Variants in GRID2 observed in about 807,000 individuals in gnomAD.
GRID2 encodes the protein glutamate receptor ionotropic, delta-2.
In GRID2, 33 loss-of-function variants were observed where a neutral mutation model predicts 114.8. That is an observed-to-expected ratio of 0.29 (90% CI 0.22 to 0.38). The LOEUF (loss-of-function observed/expected upper bound fraction) is 0.38, where lower values mean the gene tolerates loss of function less well. Among genes scored for constraint, GRID2 ranks in the 10% least tolerant of loss-of-function variants. The probability of loss-of-function intolerance (pLI) is 1.00; values close to 1 mark genes in which losing one functional copy is unlikely to be tolerated. For missense variants in GRID2, 1,184 were observed against 1,257.7 expected (o/e 0.94, Z 0.89); for synonymous variants, 505 against 449.9 (o/e 1.12, Z -1.55).
chr4:92,955,444 C>T (rs918948735), intron 2 of GRID2, among the ~76,000 whole-genome samples: 17 of 152,046 alleles, frequency 1.1e-4, no homozygotes, highest in Admixed American at 3.3e-4. Flanking sequence ...ATGTCCTTTG[C>T]CCACTTTTTG....
At chr4:93,752,345 A>T (rs952437961) in intron 14 of GRID2, among the ~76,000 whole-genome samples, 2 of 146,460 alleles carry the variant, frequency 1.4e-5, no homozygotes, top group Admixed American at 6.9e-5. Context: ...TTCCTAACTA[A>T]TACTCATACT....
intron 8 of GRID2, among the ~76,000 whole-genome samples, chr4:93,361,067 T>G (rs962825074): frequency 6.6e-6 from 1 of 152,112 alleles, no homozygotes; most frequent in African/African-American, 2.4e-5. Context: ...CTTTTTTCTT[T>G]TTTCATTACA....
chr4:92,851,628 T>C (rs932816291), intron 2 of GRID2, among the ~76,000 whole-genome samples: 3 of 152,002 alleles, frequency 2.0e-5, no homozygotes, highest in Non-Finnish European at 2.9e-5. Context: ...TTAGTATATC[T>C]AAATTTCAGT....
intron 3 of GRID2, among the ~76,000 whole-genome samples, chr4:93,105,200 C>G (rs1007761380): frequency 3.1e-4 from 47 of 152,048 alleles, no homozygotes; most frequent in Non-Finnish European, 5.2e-4. Flanking sequence ...GTAGATTCTG[C>G]ATATTAGCCC....
chr4:92,347,239 C>A (rs1210181828), intron 1 of GRID2, among the ~76,000 whole-genome samples: 1 of 152,122 alleles, frequency 6.6e-6, no homozygotes, highest in Non-Finnish European at 1.5e-5. Context: ...CTAGAAATAG[C>A]ATTCAATATT....
chr4:92,908,741 A>G (rs1225640637), intron 2 of GRID2, among the ~76,000 whole-genome samples: 1 of 152,186 alleles, frequency 6.6e-6, no homozygotes, highest in Admixed American at 6.5e-5. Flanking sequence ...ATTTTGGAAA[A>G]TTAAATTTCT....
chr4:93,740,812 G>T (rs563179859), intron 14 of GRID2, among the ~76,000 whole-genome samples: 5 of 151,384 alleles, frequency 3.3e-5, no homozygotes, highest in South Asian at 2.1e-4. Context: ...TAGTCTACTT[G>T]GGGGGGCAAG....
chr4:92,631,117 C>A (rs1332094767), intron 2 of GRID2, among the ~76,000 whole-genome samples: 2 of 151,872 alleles, frequency 1.3e-5, no homozygotes, highest in African/African-American at 4.8e-5. Flanking sequence ...CCTAAAGCCC[C>A]AAAATTCAGA....
At chr4:93,105,746 A>G (rs551983272) in intron 3 of GRID2, among the ~76,000 whole-genome samples, 3 of 152,200 alleles carry the variant, frequency 2.0e-5, no homozygotes, top group African/African-American at 2.4e-5. Flanking sequence ...GTCTCAACAC[A>G]TTCTTCAGGA....
At chr4:93,090,367 A>C (rs1247298836) in intron 3 of GRID2, among the ~76,000 whole-genome samples, 3 of 152,162 alleles carry the variant, frequency 2.0e-5, no homozygotes, top group Non-Finnish European at 4.4e-5. Flanking sequence ...GGCGAGAAGC[A>C]TTAATTTAGA....
chr4:92,997,948 A>G (rs533360532), intron 2 of GRID2, among the ~76,000 whole-genome samples: 3 of 152,112 alleles, frequency 2.0e-5, no homozygotes, highest in African/African-American at 7.2e-5. Flanking sequence ...AAAATTTGTC[A>G]AATCACATAT....
intron 8 of GRID2, among the ~76,000 whole-genome samples, chr4:93,392,150 T>G (rs2149325069): frequency 6.6e-6 from 1 of 152,288 alleles, no homozygotes; most frequent in South Asian, 2.1e-4. Context: ...AGGGCCATCT[T>G]TATTGTTTTT....
rs201985814 is a variant in GRID2 at position 92,619,894 on chromosome 4, GC to G, written c.244+29610del. On this transcript the variant is annotated intron_variant, in intron 2 of 15. Transcript: ENST00000282020. ...TTTGGCCATTTGCGAAGTTACACAT[GC>G]CTTTTTTTTTCCCCCACAGGAGGGA... is the stretch of plus-strand genomic sequence containing the variant. 3.3e-5 allele frequency among the ~76,000 whole-genome samples: 5 copies of G among 150,038 alleles called. No individual in the cohort carries two copies. In the East Asian group the frequency reaches 6.0e-4, roughly 18 times the overall value.
intron 2 of GRID2, among the ~76,000 whole-genome samples, chr4:93,083,994 A>G (rs1305763764): frequency 1.3e-5 from 2 of 152,138 alleles, no homozygotes; most frequent in East Asian, 1.9e-4. Flanking sequence ...TTAAAGAACT[A>G]TGTAAAACAA....
At chr4:92,901,965 G>T (rs1747614906) in intron 2 of GRID2, among the ~76,000 whole-genome samples, 2 of 152,058 alleles carry the variant, frequency 1.3e-5, no homozygotes, top group Non-Finnish European at 2.9e-5. Flanking sequence ...TGTATGTTTG[G>T]TAGGACTCAA....
At chr4:92,711,632 G>T (rs1397998674) in intron 2 of GRID2, among the ~76,000 whole-genome samples, 3 of 152,178 alleles carry the variant, frequency 2.0e-5, no homozygotes, top group African/African-American at 7.2e-5. Flanking sequence ...GCCTGATGGG[G>T]TGACTCACGC....
chr4:93,273,470 C>CA (rs11338075), intron 8 of GRID2, among the ~76,000 whole-genome samples: 1 of 150,932 alleles, frequency 6.6e-6, no homozygotes, highest in Non-Finnish European at 1.5e-5. Context: ...TCCCCCCCCC[C>CA]AAAAAATATC....
chr4:93,158,258 T>C (rs373752695), intron 4 of GRID2, among the ~76,000 whole-genome samples: 2 of 151,958 alleles, frequency 1.3e-5, no homozygotes. Flanking sequence ...TATGTTTGTA[T>C]AGAGAGCTGA....
At chr4:93,591,697 T>A (rs917686956) in intron 13 of GRID2, among the ~76,000 whole-genome samples, 3 of 152,074 alleles carry the variant, frequency 2.0e-5, no homozygotes, top group African/African-American at 4.8e-5. Flanking sequence ...GGACTCTTTT[T>A]GGTTGGTAAG....
Sources: allele counts gnomAD v4.1 joint callset (sites outside exome capture counted in the v4.1 genomes callset), GRCh38; gene constraint gnomAD v4.1.1; transcripts MANE v1.5; gene names NCBI Gene and HGNC (gene_info 2026-07-23, HGNC 2026-07-21).